The following TMEM232 variants were observed in gnomAD, a reference collection of about 807,000 sequenced individuals.
TMEM232 encodes transmembrane protein 232.
Under a neutral mutation model 78.8 loss-of-function variants are expected in TMEM232, and 80 were observed. The observed-to-expected ratio is 1.01, with a 90% CI of 0.85 to 1.22. The LOEUF (loss-of-function observed/expected upper bound fraction) is 1.22. TMEM232 is among the 50% of genes most tolerant of loss of function. The pLI, the probability that TMEM232 is intolerant of heterozygous loss-of-function variation, is 0.00. For missense variants in TMEM232, 881 were observed against 742.2 expected (o/e 1.19, Z -2.17); for synonymous variants, 297 against 254.3 (o/e 1.17, Z -1.60).
chr5:110,489,108 G>C (rs1764766147), intron 12 of TMEM232, among the ~76,000 whole-genome samples: 1 of 151,916 alleles, frequency 6.6e-6, no homozygotes, highest in Non-Finnish European at 1.5e-5. Context: ...ATGGCTTTAT[G>C]AGTAAATTCT....
In TMEM232 at chr5:110,500,182, C is replaced by T. The variant is rs535390441; in HGVS notation, c.1703+28406G>A. On this transcript the variant is annotated intron_variant, in intron 12 of 13. Coordinates refer to ENST00000455884, the MANE Select transcript of TMEM232 (RefSeq NM_001039763.4). ...TGGCGGGTGCCTGTAATCTCAGCTA[C>T]TTGGGAGGCTGAGGCAGAAGAATCA... Among the ~76,000 whole-genome samples, 203 of 149,132 alleles carry T rather than the reference C, an allele frequency of 1.4e-3. 1 individual carries two copies. Among genetic ancestry groups the T allele is most frequent in the African/African-American group, 4.9e-3 (197 of 40,258 alleles).
chr5:110,583,870 G>T (rs1214156989), intron 10 of TMEM232, among the ~76,000 whole-genome samples: 1 of 150,280 alleles, frequency 6.7e-6, no homozygotes, highest in Non-Finnish European at 1.5e-5. Context: ...TAGCCAAATG[G>T]TATGTGAAAA....
At chr5:110,672,392 T>A (rs929588595) in intron 1 of TMEM232, among the ~76,000 whole-genome samples, 2 of 152,194 alleles carry the variant, frequency 1.3e-5, no homozygotes, top group African/African-American at 4.8e-5. Context: ...AATTTCTGGC[T>A]TATTTTAGCA....
intron 10 of TMEM232, among the ~76,000 whole-genome samples, chr5:110,582,559 T>A (rs749170381): frequency 1.1e-4 from 16 of 151,906 alleles, no homozygotes; most frequent in Non-Finnish European, 1.9e-4. Flanking sequence ...TATTGGGTAC[T>A]ATGTTCACTA....
At chr5:110,684,530 A>G (rs1235787230) in intron 1 of TMEM232, among the ~76,000 whole-genome samples, 1 of 152,136 alleles carries the variant, frequency 6.6e-6, no homozygotes, top group African/African-American at 2.4e-5. Flanking sequence ...CCCTGGAGAA[A>G]TGAAAAGCTA....
chr5:110,719,905 A>G (rs1797418436), intron 1 of TMEM232, among the ~76,000 whole-genome samples: 1 of 152,118 alleles, frequency 6.6e-6, no homozygotes, highest in Non-Finnish European at 1.5e-5. Context: ...AATGCTCTAG[A>G]GTATAAATTG....
At chr5:110,459,965 A>G (rs977021068) in intron 12 of TMEM232, among the ~76,000 whole-genome samples, 1 of 152,176 alleles carries the variant, frequency 6.6e-6, no homozygotes, top group African/African-American at 2.4e-5. Context: ...AAAAATGTCA[A>G]GATTAAGAAC....
intron 12 of TMEM232, among the ~76,000 whole-genome samples, chr5:110,436,947 T>C (rs1168049948): frequency 1.3e-5 from 2 of 152,044 alleles, no homozygotes; most frequent in Non-Finnish European, 2.9e-5. Flanking sequence ...ACTTTGTGAT[T>C]CTATATAAAC....
chr5:110,673,829 G>C (rs1352923852), intron 1 of TMEM232, among the ~76,000 whole-genome samples: 2 of 151,984 alleles, frequency 1.3e-5, no homozygotes, highest in Non-Finnish European at 2.9e-5. Context: ...CATACGAATG[G>C]GGTTTTATTA....
intron 12 of TMEM232, among the ~76,000 whole-genome samples, chr5:110,496,727 T>G (rs1383456354): frequency 6.6e-6 from 1 of 151,916 alleles, no homozygotes. Flanking sequence ...TTAGGCTGAT[T>G]TATAAATCTT....
intron 1 of TMEM232, among the ~76,000 whole-genome samples, chr5:110,716,689 T>C (rs1048217375): frequency 1.3e-5 from 2 of 152,180 alleles, no homozygotes; most frequent in East Asian, 3.9e-4. Flanking sequence ...CTGTGGTTAC[T>C]AACAGGCCAC....
intron 12 of TMEM232, among the ~76,000 whole-genome samples, chr5:110,511,795 T>C (rs1046483889): frequency 2.0e-5 from 3 of 152,180 alleles, no homozygotes; most frequent in African/African-American, 7.2e-5. Flanking sequence ...CTTCCACTCC[T>C]CACTCTACCA....
At chr5:110,650,378 G>T (rs1205351525) in intron 2 of TMEM232, among the ~76,000 whole-genome samples, 2 of 151,960 alleles carry the variant, frequency 1.3e-5, no homozygotes, top group Non-Finnish European at 2.9e-5. Flanking sequence ...TGCTTACAGT[G>T]ACCTCCTTCC....
chr5:110,640,752 CATA>C (rs1188551206), intron 4 of TMEM232, 136 bp downstream of exon 4: 1 of 449,906 alleles, frequency 2.2e-6, no homozygotes, highest in Non-Finnish European at 3.8e-6. Flanking sequence ...AATGAATTTT[CATA>C]ATAAAATGTA....
chr5:110,514,178 C>T (rs923537912), intron 12 of TMEM232, among the ~76,000 whole-genome samples: 5 of 152,040 alleles, frequency 3.3e-5, no homozygotes, highest in Non-Finnish European at 5.9e-5. Context: ...GTCTTATCAC[C>T]ATACCCCCGA....
chr5:110,644,793 AATC>A (rs1331006864), intron 2 of TMEM232, among the ~76,000 whole-genome samples: 2 of 151,708 alleles, frequency 1.3e-5, no homozygotes, highest in African/African-American at 2.4e-5. Flanking sequence ...AAAAACTAAA[AATC>A]ATCAAAACTA....
intron 2 of TMEM232, among the ~76,000 whole-genome samples, chr5:110,413,382 T>C (rs1195196921): frequency 5.3e-5 from 8 of 152,190 alleles, no homozygotes; most frequent in Admixed American, 5.2e-4. Flanking sequence ...TCCCTACTTT[T>C]GAGGTTTTGA....
chr5:110,575,071 T>C (rs1777417310), intron 10 of TMEM232, among the ~76,000 whole-genome samples: 1 of 151,960 alleles, frequency 6.6e-6, no homozygotes, highest in Admixed American at 6.6e-5. Context: ...GTAGAAAAAT[T>C]AGGAATATAC....
At chr5:110,736,722 T>C (rs560401329) in intron 1 of TMEM232, among the ~76,000 whole-genome samples, 1 of 152,146 alleles carries the variant, frequency 6.6e-6, no homozygotes, top group South Asian at 2.1e-4. Flanking sequence ...TGGATTCCTA[T>C]AAAACATCAA....
Sources: allele counts gnomAD v4.1 joint callset (sites outside exome capture counted in the v4.1 genomes callset), GRCh38; gene constraint gnomAD v4.1.1; transcripts MANE v1.5; gene names NCBI Gene and HGNC (gene_info 2026-07-23, HGNC 2026-07-21).